ITPRID1: variants seen among roughly 807,000 people sequenced by gnomAD.
The protein encoded by ITPRID1 is ITPR interacting domain containing 1.
In ITPRID1, 96 loss-of-function variants were observed where a neutral mutation model predicts 95.4. That is an observed-to-expected ratio of 1.01 (90% CI 0.85 to 1.19). The LOEUF (loss-of-function observed/expected upper bound fraction) is 1.19, where lower values mean the gene tolerates loss of function less well. Ranked by LOEUF, ITPRID1 falls within the 50% of genes most tolerant of loss-of-function variation. The pLI is 0.00. For synonymous variants in ITPRID1, 510 were observed against 453.6 expected (o/e 1.12, Z -1.58); for missense variants, 1,339 against 1,252.9 (o/e 1.07, Z -1.04).
chr7:31,527,080 T>A (rs1005283063), intron 1 of ITPRID1, among the ~76,000 whole-genome samples: 1 of 152,152 alleles, frequency 6.6e-6, no homozygotes, highest in Non-Finnish European at 1.5e-5. Flanking sequence ...ATTTTGCAAG[T>A]GGAATTTATT....
intron 5 of ITPRID1, among the ~76,000 whole-genome samples, chr7:31,558,606 A>G (rs895384931): frequency 3.9e-5 from 6 of 152,322 alleles, no homozygotes; most frequent in African/African-American, 7.2e-5. Context: ...CATGGTGACT[A>G]TATTAGTAAT....
chr7:31,652,371 T>C, intron 14 of ITPRID1, 147 bp from the exon 15 acceptor site: 4 of 1,269,698 alleles, frequency 3.2e-6, no homozygotes, highest in Non-Finnish European at 3.2e-6. Context: ...CAATATAAGC[T>C]AAGTCACTAT....
rs962755343 is a variant in ITPRID1 at position 31,550,758 on chromosome 7, A to G, written c.-24+1259A>G. On this transcript the variant is annotated intron_variant, in intron 2 of 14. Coordinates refer to ENST00000615280, the MANE Select transcript of ITPRID1 (RefSeq NM_001257967.3). ...TTTTTCCTGCTCTGTGGCCAAGTACAACAGAGCTGGCAGACAGAATATCCT... is the reference window on the plus strand; with the variant it reads ...TTTTTCCTGCTCTGTGGCCAAGTACGACAGAGCTGGCAGACAGAATATCCT... Among the ~76,000 whole-genome samples, 5 of 107,900 alleles carry G rather than the reference A, an allele frequency of 4.6e-5. 1 individual carries two copies. Among genetic ancestry groups the G allele is most frequent in the African/African-American group, 1.4e-4 (5 of 36,578 alleles). 70.8% of individuals were successfully genotyped at this position (107,900 alleles called of 152,430 possible). A position where few individuals can be genotyped will look rare whatever the true frequency, so the allele number is the denominator to read the frequency against.
chr7:31,575,136 T>A (rs1785135678), intron 8 of ITPRID1, among the ~76,000 whole-genome samples: 1 of 152,066 alleles, frequency 6.6e-6, no homozygotes, highest in Non-Finnish European at 1.5e-5. Flanking sequence ...TCCAAGTGGG[T>A]GGGAATGTAC....
At chr7:31,538,754 A>G (rs562645159) in intron 1 of ITPRID1, among the ~76,000 whole-genome samples, 1 of 152,322 alleles carries the variant, frequency 6.6e-6, no homozygotes, top group South Asian at 2.1e-4. Context: ...GTTATATCCC[A>G]TTACCTGAGA....
In ITPRID1 at chr7:31,651,265, G is replaced by A; in HGVS notation, c.2707G>A (p.Glu903Lys). 6.2e-6 allele frequency: 10 copies of A among 1,613,004 alleles called. No homozygotes were observed. The highest frequency in any genetic ancestry group is 1.3e-5 in the African/African-American group (1 of 74,966). Residue 903 changes from glutamate to lysine, a missense_variant, in exon 13 of 15, where the codon GAA becomes AAA. Transcript: ENST00000615280. Reference sequence around the variant, plus strand: ...CTTTTCCAGGGACATGTCAGAGGAGGAAAGGTAATTACCTAAGGGAGCCAT... The same window carrying A: ...CTTTTCCAGGGACATGTCAGAGGAGAAAAGGTAATTACCTAAGGGAGCCAT... ...ALFSRDMSEE[E>K]REEAEQLQTL...
chr7:31,572,069 C>A (rs538025827), intron 6 of ITPRID1, 33 bp from the exon 7 acceptor site: 9 of 1,396,310 alleles, frequency 6.4e-6, no homozygotes, highest in Non-Finnish European at 9.1e-6. Context: ...TCTAAATCAA[C>A]ACATCTCATT....
chr7:31,577,849 CTTGTG>C lies in ITPRID1; in HGVS notation c.599-8_599-4del, dbSNP rs1187097784. The C allele has an allele frequency of 6.4e-7, 1 of 1,553,604 alleles. No individual in the cohort carries two copies. The highest frequency in any genetic ancestry group is 2.3e-5 in the East Asian group (1 of 44,198). ...GACCCAATCTGAAACTTTCGTGTTT[CTTGTG>C]TTGTGCAGGTCGTTTCCGACAGCTG... On this transcript the variant is annotated splice_polypyrimidine_tract_variant and intron_variant, in intron 8 of 14. Coordinates refer to ENST00000615280, the MANE Select transcript of ITPRID1 (RefSeq NM_001257967.3).
chr7:31,587,331 C>G (rs921634180), intron 10 of ITPRID1, among the ~76,000 whole-genome samples: 6 of 152,042 alleles, frequency 3.9e-5, no homozygotes, highest in African/African-American at 1.4e-4. Flanking sequence ...CACAAGCATT[C>G]TTATACACCA....
intron 10 of ITPRID1, among the ~76,000 whole-genome samples, chr7:31,598,436 C>T (rs1374980035): frequency 1.5e-5 from 2 of 129,842 alleles, no homozygotes; most frequent in African/African-American, 6.0e-5. Flanking sequence ...CGGAGTCTCG[C>T]TCTGTCACCC....
At chr7:31,557,504 A>C (rs556610224) in intron 5 of ITPRID1, among the ~76,000 whole-genome samples, 1 of 152,284 alleles carries the variant, frequency 6.6e-6, no homozygotes, top group African/African-American at 2.4e-5. Flanking sequence ...GGTCATCTGC[A>C]GCTACCTAAA....
At chr7:31,619,154 G>T (rs1362138970) in intron 10 of ITPRID1, among the ~76,000 whole-genome samples, 1 of 152,130 alleles carries the variant, frequency 6.6e-6, no homozygotes, top group Non-Finnish European at 1.5e-5. Flanking sequence ...AGCAGTTTTA[G>T]CTGCTCTTGC....
In ITPRID1 at chr7:31,569,815, T is replaced by C; in HGVS notation, c.308+6T>C. On this transcript the variant is annotated splice_donor_region_variant and intron_variant, in intron 6 of 14. Transcript: ENST00000615280. ...ACTGTGAAAGACTACATGAGGTAGG[T>C]AGCAGAATCAGTGTTACTTCATGCC... is the stretch of plus-strand genomic sequence containing the variant. 1 of 1,580,884 alleles carries C rather than the reference T, an allele frequency of 6.3e-7. No homozygotes were observed. Among genetic ancestry groups the C allele is most frequent in the Non-Finnish European group, 8.6e-7 (1 of 1,161,934 alleles).
Position 31,643,323 on chromosome 7 carries a change from T to C in ITPRID1, c.1953T>C (p.Pro651=). The C allele has an allele frequency of 6.2e-7, 1 of 1,613,908 alleles. No homozygotes were observed. Among genetic ancestry groups the C allele is most frequent in the Non-Finnish European group, 8.5e-7 (1 of 1,179,868 alleles). Residue 651 remains proline (P), a synonymous_variant, in exon 12 of 15, where the codon CCT becomes CCC. Coordinates refer to ENST00000615280, the MANE Select transcript of ITPRID1 (RefSeq NM_001257967.3). The part of the protein sequence containing the change: ...QCIPKHSEIT[P]YATDLAQTSE... ...TCCCCAAGCACAGTGAAATCACACC[T>C]TATGCAACTGACCTTGCTCAAACAT...
chr7:31,626,467 TTC>T (rs1442348654), intron 10 of ITPRID1, among the ~76,000 whole-genome samples: 1 of 152,220 alleles, frequency 6.6e-6, no homozygotes. Flanking sequence ...CCCACTATAT[TTC>T]TGTTTGCATT....
intron 1 of ITPRID1, among the ~76,000 whole-genome samples, chr7:31,530,754 A>G (rs1308173231): frequency 6.6e-6 from 1 of 152,174 alleles, no homozygotes; most frequent in Non-Finnish European, 1.5e-5. Context: ...TTCAAACCTT[A>G]AAAAAAGGAA....
At chr7:31,533,251 C>CA (rs1334687638) in intron 1 of ITPRID1, among the ~76,000 whole-genome samples, 5 of 151,378 alleles carry the variant, frequency 3.3e-5, no homozygotes, top group Non-Finnish European at 3.0e-5. Context: ...TTGAGTTTTC[C>CA]AAAAAAAATT....
chr7:31,562,145 G>C (rs1784647126), intron 5 of ITPRID1, among the ~76,000 whole-genome samples: 2 of 151,518 alleles, frequency 1.3e-5, no homozygotes, highest in Admixed American at 6.6e-5. Flanking sequence ...GTGCTATCTG[G>C]CTGAGATATG....
intron 3 of ITPRID1, chr7:31,554,258 TAC>T: frequency 1.5e-6 from 1 of 662,310 alleles, no homozygotes; most frequent in Non-Finnish European, 2.2e-6. Flanking sequence ...TTTTTTAAGT[TAC>T]AGTCTTTTGA....
Sources: allele counts gnomAD v4.1 joint callset (sites outside exome capture counted in the v4.1 genomes callset), GRCh38; gene constraint gnomAD v4.1.1; transcripts MANE v1.5; gene names NCBI Gene and HGNC (gene_info 2026-07-23, HGNC 2026-07-21).